Variants in GPC5 observed in about 807,000 individuals in gnomAD.
GPC5 encodes glypican-5.
In GPC5, 47 loss-of-function variants were observed where a neutral mutation model predicts 53.9. The ratio of observed to expected loss-of-function variants is 0.87; its 90% CI spans 0.69 to 1.11. The LOEUF (loss-of-function observed/expected upper bound fraction) is 1.11. GPC5 is among the 50% of genes most tolerant of loss of function. The pLI is 0.00. For missense variants in GPC5, 748 were observed against 713.1 expected, an observed-to-expected ratio of 1.05 and a Z score of -0.56; for synonymous variants, 286 against 263.3, an observed-to-expected ratio of 1.09 and a Z score of -0.84.
intron 4 of GPC5, among the ~76,000 whole-genome samples, chr13:91,732,017 A>G (rs192466464): frequency 3.3e-5 from 5 of 152,362 alleles, no homozygotes; most frequent in African/African-American, 1.2e-4. Context: ...TCTTTAAAGT[A>G]GAATGATTTA....
At chr13:92,829,037 C>T (rs2138818835) in intron 7 of GPC5, among the ~76,000 whole-genome samples, 1 of 152,290 alleles carries the variant, frequency 6.6e-6, no homozygotes, top group Non-Finnish European at 1.5e-5. Context: ...AAAATGCACC[C>T]TCCCGAGACG....
intron 7 of GPC5, among the ~76,000 whole-genome samples, chr13:92,388,180 G>T (rs1874825870): frequency 6.6e-6 from 1 of 151,694 alleles, no homozygotes; most frequent in Admixed American, 6.6e-5. Context: ...TCACATTAAA[G>T]GTTCATACTT....
At chr13:92,612,205 G>A (rs1216010650) in intron 7 of GPC5, among the ~76,000 whole-genome samples, 1 of 152,048 alleles carries the variant, frequency 6.6e-6, no homozygotes, top group East Asian at 1.9e-4. Context: ...AATACATAAT[G>A]CTAGCGATTA....
chr13:92,642,881 G>C (rs1885639031), intron 7 of GPC5, among the ~76,000 whole-genome samples: 1 of 152,090 alleles, frequency 6.6e-6, no homozygotes, highest in South Asian at 2.1e-4. Flanking sequence ...CCAGGCCAAG[G>C]GACTTTATGA....
At chr13:91,445,144 A>G (rs1350792844) in intron 1 of GPC5, among the ~76,000 whole-genome samples, 2 of 151,994 alleles carry the variant, frequency 1.3e-5, no homozygotes, top group East Asian at 3.9e-4. Context: ...AACTCAGCAT[A>G]TCGTTATTTT....
chr13:91,809,555 G>C (rs909814364), intron 5 of GPC5, among the ~76,000 whole-genome samples: 2 of 152,042 alleles, frequency 1.3e-5, no homozygotes, highest in Admixed American at 1.3e-4. Context: ...ATAATCAACT[G>C]TCAGCTCAGA....
At chr13:92,682,525 T>C (rs149621922) in intron 7 of GPC5, among the ~76,000 whole-genome samples, 4 of 152,334 alleles carry the variant, frequency 2.6e-5, no homozygotes, top group African/African-American at 9.6e-5. Flanking sequence ...TTACTGTTCT[T>C]AATGTAAAGC....
At chr13:92,250,067 TTTTG>T (rs1193963540) in intron 7 of GPC5, among the ~76,000 whole-genome samples, 3 of 152,272 alleles carry the variant, frequency 2.0e-5, no homozygotes, top group Admixed American at 6.5e-5. Flanking sequence ...TACATTCTAT[TTTTG>T]TTTGTCTCAC....
intron 6 of GPC5, 110 bp from the exon 7 acceptor site, chr13:92,144,720 C>A: frequency 9.6e-7 from 1 of 1,045,570 alleles, no homozygotes; most frequent in South Asian, 1.6e-5. Context: ...GGTGTCTACA[C>A]CAAAAGAGTG....
chr13:92,330,565 C>T (rs971789979), intron 7 of GPC5, among the ~76,000 whole-genome samples: 2 of 152,054 alleles, frequency 1.3e-5, no homozygotes, highest in African/African-American at 4.8e-5. Flanking sequence ...TTTCCCTGAC[C>T]TGGCAAGAGT....
intron 6 of GPC5, among the ~76,000 whole-genome samples, chr13:91,952,191 G>A (rs61966389): frequency 0.49 from 62,720 of 128,048 alleles, 15,252 homozygotes; most frequent in East Asian, 0.74. Flanking sequence ...CTCTCTCTCT[G>A]TGTGTGTGTG....
intron 7 of GPC5, among the ~76,000 whole-genome samples, chr13:92,704,894 T>C (rs1212837417): frequency 6.8e-6 from 1 of 147,436 alleles, no homozygotes; most frequent in Non-Finnish European, 1.5e-5. Context: ...TGTGTATATA[T>C]ATGAGTATAT....
intron 7 of GPC5, among the ~76,000 whole-genome samples, chr13:92,560,855 A>ATGTGTGTG (rs1413113972): frequency 1.4e-4 from 12 of 86,674 alleles, no homozygotes; most frequent in Admixed American, 5.8e-4. Context: ...ATAGAAAATT[A>ATGTGTGTG]TATGTGTGTG....
chr13:92,486,893 T>C (rs1879575526), intron 7 of GPC5, among the ~76,000 whole-genome samples: 2 of 151,772 alleles, frequency 1.3e-5, no homozygotes, highest in African/African-American at 4.8e-5. Context: ...TCTCGCTCTA[T>C]GGCCTAGGCT....
intron 7 of GPC5, among the ~76,000 whole-genome samples, chr13:92,738,779 G>A (rs974165052): frequency 5.9e-5 from 9 of 152,090 alleles, no homozygotes; most frequent in South Asian, 4.1e-4. Flanking sequence ...AGGATTTTCC[G>A]TGAAAAAGGT....
intron 7 of GPC5, among the ~76,000 whole-genome samples, chr13:92,730,981 A>C (rs1044368753): frequency 4.6e-5 from 7 of 151,402 alleles, no homozygotes; most frequent in African/African-American, 1.7e-4. Context: ...GGACTCCTTC[A>C]GATGACTCCA....
chr13:92,611,527 CAA>C (rs1373321739), intron 7 of GPC5, among the ~76,000 whole-genome samples: 2 of 152,136 alleles, frequency 1.3e-5, no homozygotes, highest in African/African-American at 4.8e-5. Flanking sequence ...AATTCACCTT[CAA>C]AAATCTATAG....
intron 7 of GPC5, among the ~76,000 whole-genome samples, chr13:92,326,650 A>G (rs1032531237): frequency 1.3e-5 from 2 of 152,162 alleles, no homozygotes; most frequent in Non-Finnish European, 2.9e-5. Flanking sequence ...TGCTTCTACT[A>G]TAATAACTGG....
intron 2 of GPC5, among the ~76,000 whole-genome samples, chr13:91,518,540 G>T (rs555960215): frequency 6.6e-6 from 1 of 152,130 alleles, no homozygotes; most frequent in Non-Finnish European, 1.5e-5. Context: ...TGTACTAGAT[G>T]GAGAATTTCA....
Sources: allele counts gnomAD v4.1 joint callset (sites outside exome capture counted in the v4.1 genomes callset), GRCh38; gene constraint gnomAD v4.1.1; transcripts MANE v1.5; gene names NCBI Gene and HGNC (gene_info 2026-07-23, HGNC 2026-07-21).